The following TOM1L1 variants were observed in gnomAD, a reference collection of about 807,000 sequenced individuals.
TOM1L1 encodes the protein TOM1-like protein 1.
TOM1L1 carries 64 observed loss-of-function variants against 63.4 expected under a neutral mutation model. The observed-to-expected ratio is 1.01, with a 90% CI of 0.83 to 1.24. TOM1L1 has a LOEUF of 1.24. TOM1L1 is among the 50% of genes most tolerant of loss of function. The pLI is 0.00. For missense variants in TOM1L1, 536 were observed against 567.0 expected (o/e 0.95, Z 0.55); for synonymous variants, 166 against 194.4 (o/e 0.85, Z 1.22).
At chr17:54,906,588 C>A (rs147571725) in intron 3 of TOM1L1, among the ~76,000 whole-genome samples, 1,669 of 152,146 alleles carry the variant, frequency 0.011, 24 homozygotes, top group African/African-American at 0.039. Context: ...ACTTGAACAG[C>A]TTTGTGGAAT....
chr17:54,955,646 T>G (rs2332314), intron 14 of TOM1L1, among the ~76,000 whole-genome samples: 78,098 of 151,988 alleles, frequency 0.51, 20,614 homozygotes, highest in Non-Finnish European at 0.56. Context: ...CCTTGTCTTT[T>G]TGTTGGGGAT....
At chr17:54,914,827 C>A in intron 6 of TOM1L1, 84 bp downstream of exon 6, 4 of 1,099,868 alleles carry the variant, frequency 3.6e-6, no homozygotes, top group Non-Finnish European at 5.5e-6. Flanking sequence ...TTCTGGTTAA[C>A]AACATTGAGA....
intron 11 of TOM1L1, among the ~76,000 whole-genome samples, chr17:54,944,052 C>A (rs1488356181): frequency 6.6e-6 from 1 of 152,032 alleles, no homozygotes; most frequent in Non-Finnish European, 1.5e-5. Context: ...TTCCCCTTTT[C>A]TATAATAGTT....
intron 3 of TOM1L1, 26 bp downstream of exon 3, chr17:54,905,593 G>A (rs753239728): frequency 1.5e-6 from 2 of 1,368,370 alleles, no homozygotes; most frequent in Non-Finnish European, 1.0e-6. Context: ...TTATAATTAA[G>A]ACTCGAGGAT....
At chr17:54,930,605 C>A (rs1473525007) in intron 8 of TOM1L1, among the ~76,000 whole-genome samples, 2 of 152,048 alleles carry the variant, frequency 1.3e-5, no homozygotes, top group African/African-American at 4.8e-5. Context: ...TTTGGGAGGC[C>A]AAGGTGGGCA....
chr17:54,911,356 C>A (rs1157267692), intron 3 of TOM1L1, among the ~76,000 whole-genome samples: 3 of 152,184 alleles, frequency 2.0e-5, no homozygotes, highest in Non-Finnish European at 4.4e-5. Flanking sequence ...TTCCTCTTCT[C>A]TTCTCATTGT....
chr17:54,926,992 C>T (rs1454106173), intron 7 of TOM1L1, among the ~76,000 whole-genome samples: 1 of 152,194 alleles, frequency 6.6e-6, no homozygotes, highest in African/African-American at 2.4e-5. Flanking sequence ...CAACCAAGTC[C>T]TGTACTATTT....
intron 3 of TOM1L1, among the ~76,000 whole-genome samples, chr17:54,911,696 A>G (rs1003931588): frequency 6.6e-6 from 1 of 152,132 alleles, no homozygotes; most frequent in Non-Finnish European, 1.5e-5. Flanking sequence ...GGCCTTTTCT[A>G]TAACATGCCT....
chr17:54,937,125 C>A lies in TOM1L1; in HGVS notation c.932C>A (p.Ser311Tyr). The change falls in exon 10 of 16, where the codon TCT becomes TAT. Residue 311 changes from serine to tyrosine, a missense_variant. By Grantham distance (144) the Ser-to-Tyr change is moderately radical. Coordinates refer to ENST00000575882, the MANE Select transcript of TOM1L1 (RefSeq NM_005486.3). ...TGTTTTCAGACTACCAGTGAGCCTT[C>A]TGCCCCATCTCAAGATCTCCTCGAC... is the stretch of plus-strand genomic sequence containing the variant. ...KEATNTTSEP[S>Y]APSQDLLDLS... The A allele has an allele frequency of 6.2e-7, 1 of 1,609,222 alleles. No homozygotes were observed. Among genetic ancestry groups the A allele is most frequent in the African/African-American group, 1.3e-5 (1 of 74,222 alleles).
chr17:54,943,978 A>G (rs1056969010), intron 11 of TOM1L1, among the ~76,000 whole-genome samples: 1 of 141,194 alleles, frequency 7.1e-6, no homozygotes, highest in African/African-American at 2.7e-5. Flanking sequence ...ACTCTGTCTC[A>G]AATAAATAAA....
At chr17:54,931,758 G>A (rs997445301) in intron 8 of TOM1L1, among the ~76,000 whole-genome samples, 17 of 152,002 alleles carry the variant, frequency 1.1e-4, no homozygotes, top group Non-Finnish European at 1.0e-4. Context: ...ATCCAAGATC[G>A]TGCCACTGCA....
chr17:54,901,020 C>A, intron 1 of TOM1L1, 97 bp downstream of exon 1: 2 of 1,526,816 alleles, frequency 1.3e-6, no homozygotes, highest in Non-Finnish European at 1.8e-6. Flanking sequence ...GGAGTTAGTC[C>A]AACTTGAAAA....
In TOM1L1 at chr17:54,939,030, T is replaced by G. The variant is rs2048995993; in HGVS notation, c.1130+10T>G. The stretch of plus-strand genomic sequence containing the variant: ...ATACAGAGATACCCCCGTAAGTATG[T>G]CAGTAACACTGCAGAACTAATATCA... On this transcript the variant is annotated intron_variant, in intron 11 of 15. Transcript: ENST00000575882. 6.6e-7 allele frequency: 1 copy of G among 1,514,160 alleles called. No individual in the cohort carries two copies. The highest frequency in any genetic ancestry group is 1.7e-5 in the Admixed American group (1 of 57,920). 93.8% of individuals were successfully genotyped at this position (1,514,160 alleles called of 1,614,324 possible). A position where few individuals can be genotyped will look rare whatever the true frequency, so the allele number is the denominator to read the frequency against.
intron 1 of TOM1L1, chr17:54,901,124 C>T (rs1238247896): frequency 1.5e-6 from 1 of 679,680 alleles, no homozygotes; most frequent in South Asian, 1.9e-5. Context: ...ACTGTAGAAC[C>T]TCAGTCCTCA....
At chr17:54,944,704 G>A (rs1213066035) in intron 11 of TOM1L1, among the ~76,000 whole-genome samples, 1 of 152,168 alleles carries the variant, frequency 6.6e-6, no homozygotes, top group Non-Finnish European at 1.5e-5. Context: ...TATTCTTTCA[G>A]CAGTTTTAAA....
At chr17:54,941,215 A>G (rs1345781567) in intron 11 of TOM1L1, among the ~76,000 whole-genome samples, 1 of 152,224 alleles carries the variant, frequency 6.6e-6, no homozygotes, top group Non-Finnish European at 1.5e-5. Flanking sequence ...GTGTGTTTGT[A>G]TCAGTGGATT....
At chr17:54,906,935 A>G in intron 3 of TOM1L1, 1 of 436,606 alleles carries the variant, frequency 2.3e-6, no homozygotes. Context: ...ATCAGCCAAC[A>G]TCACGCTGCG....
At chr17:54,950,184 A>T in intron 14 of TOM1L1, 58 bp downstream of exon 14, 2 of 1,325,482 alleles carry the variant, frequency 1.5e-6, no homozygotes, top group Non-Finnish European at 2.2e-6. Context: ...TTGATAGCAG[A>T]GCTAACAGGG....
intron 14 of TOM1L1, chr17:54,952,915 TG>T (rs1488106013): frequency 1.3e-5 from 2 of 152,204 alleles, no homozygotes; most frequent in Non-Finnish European, 2.9e-5. Context: ...ATGGGATGTT[TG>T]GGGAACAGAA....
Sources: gnomAD v4.1 joint callset for allele counts (sites outside exome capture counted in the v4.1 genomes callset) on GRCh38, gnomAD v4.1.1 for gene constraint, MANE v1.5 for transcripts, NCBI Gene and HGNC (gene_info 2026-07-23, HGNC 2026-07-21) for gene names.